The following LZTFL1 variants were observed in gnomAD, a reference collection of about 807,000 sequenced individuals.
The protein encoded by LZTFL1 is leucine zipper transcription factor like 1, also known as leucine zipper transcription factor-like protein 1.
A neutral mutation model predicts 45.9 loss-of-function variants in LZTFL1; 25 were observed. The observed-to-expected ratio is 0.54, with a 90% CI of 0.40 to 0.76. The LOEUF (loss-of-function observed/expected upper bound fraction) is 0.76. LZTFL1 is among the 30% of genes least tolerant of loss of function. LZTFL1 has a pLI of 0.00. For synonymous variants in LZTFL1, 93 were observed against 117.4 expected (o/e 0.79, Z 1.35); for missense variants, 277 against 331.1 (o/e 0.84, Z 1.27).
At chr3:45,880,423 A>G (rs1701834849) in intron 2 of LZTFL1, among the ~76,000 whole-genome samples, 1 of 151,958 alleles carries the variant, frequency 6.6e-6, no homozygotes, top group Admixed American at 6.6e-5. Context: ...AATCACTTGA[A>G]CCCAGGAGGT....
rs149273342 is a variant in LZTFL1, at chr3:45,852,463, A to G, written c.-49+2523T>C. Among the ~76,000 whole-genome samples the G allele has an allele frequency of 9.0e-4, 137 of 152,342 alleles. 1 individual carries two copies. The highest frequency in any genetic ancestry group is 1.6e-3 in the Non-Finnish European group (106 of 68,034). On this transcript the variant is annotated intron_variant, in intron 4 of 4. Transcript: ENST00000472635. ...GACTGACTAAATGAATTATGGAGCA[A>G]TAAAAGAGTAGTTTTCTGTAGCCGT...
intron 2 of LZTFL1, chr3:45,897,449 C>A: frequency 1.4e-6 from 1 of 730,368 alleles, no homozygotes; most frequent in Non-Finnish European, 2.4e-6. Flanking sequence ...ATGTCCTTGT[C>A]TGGGATTCAG....
At chr3:45,894,718 A>C (rs943950361) in intron 2 of LZTFL1, among the ~76,000 whole-genome samples, 1 of 152,220 alleles carries the variant, frequency 6.6e-6, no homozygotes, top group Non-Finnish European at 1.5e-5. Context: ...GGAGAGGTTC[A>C]TTCATTTCTG....
chr3:45,902,878 C>T (rs200562705), intron 2 of LZTFL1: 3 of 167,026 alleles, frequency 1.8e-5, no homozygotes, highest in African/African-American at 2.4e-5. Context: ...AGGGGTGAAG[C>T]GCAGGCCTTG....
chr3:45,901,656 G>C lies in LZTFL1; in HGVS notation c.-215+11464C>G, dbSNP rs1481791747. On this transcript the variant is annotated intron_variant, in intron 2 of 4. Coordinates refer to the LZTFL1 transcript ENST00000472635. The surrounding 1 kb of genome is among the most constrained non-coding windows in gnomAD (Gnocchi z 4.3). ...CTATGCCATGTTCATCTCCAACTGT[G>C]CCGTTTCCACCAACATTGACATCTG... 2 of 1,614,016 alleles carry C rather than the reference G, an allele frequency of 1.2e-6. No homozygotes were observed. Among genetic ancestry groups the C allele is most frequent in the Non-Finnish European group, 1.7e-6 (2 of 1,179,858 alleles).
At position 45,884,907 on chromosome 3, in the gene LZTFL1, T is replaced by C. The variant is rs1002469175; in HGVS notation, c.-214-25891A>G. 8.5e-5 allele frequency among the ~76,000 whole-genome samples: 13 copies of C among 152,242 alleles called. 1 individual carries two copies. Among genetic ancestry groups the C allele is most frequent in the African/African-American group, 3.1e-4 (13 of 41,466 alleles). On this transcript the variant is annotated intron_variant, in intron 2 of 4. Transcript: ENST00000472635. ...GGAGTGAGATGCCAGAGCATCTGGC[T>C]GGTTCTCAGCTATGTATAGTTTCAG...
intron 4 of LZTFL1, among the ~76,000 whole-genome samples, chr3:45,849,299 C>T (rs1701271584): frequency 1.3e-5 from 2 of 152,138 alleles, no homozygotes; most frequent in African/African-American, 4.8e-5. Flanking sequence ...GCAGAAAGGA[C>T]AGAGGGAACA....
intron 8 of LZTFL1, among the ~76,000 whole-genome samples, chr3:45,827,809 TTTTAA>T (rs1700707401): frequency 6.6e-6 from 1 of 152,184 alleles, no homozygotes; most frequent in Non-Finnish European, 1.5e-5. Flanking sequence ...GCAAAATGAT[TTTTAA>T]TTTAGTTAAA....
intron 1 of LZTFL1, among the ~76,000 whole-genome samples, chr3:45,841,473 T>C (rs1187231179): frequency 1.3e-5 from 2 of 152,138 alleles, no homozygotes; most frequent in Non-Finnish European, 2.9e-5. Context: ...CATCAGAAAG[T>C]TGGATTTCAA....
In LZTFL1 at chr3:45,884,711, T is replaced by TA. The variant is rs543110554; in HGVS notation, c.-214-25696_-214-25695insT. Among the ~76,000 whole-genome samples the TA allele has an allele frequency of 3.2e-4, 49 of 152,286 alleles. 1 individual carries two copies. The South Asian group carries it at 1.0e-2, about 31-fold the overall frequency. On this transcript the variant is annotated intron_variant, in intron 2 of 4. Coordinates refer to the LZTFL1 transcript ENST00000472635. ...AAGAGAAGGGAGAAGCACAGGCTTTTCCTCACCCATGGCAATTGCAATAGT... is the reference window on the plus strand; with the variant it reads ...AAGAGAAGGGAGAAGCACAGGCTTTTACCTCACCCATGGCAATTGCAATAGT...
chr3:45,839,160 C>G (rs1701040984), intron 1 of LZTFL1, among the ~76,000 whole-genome samples: 1 of 152,196 alleles, frequency 6.6e-6, no homozygotes. Context: ...GCAATCTCGG[C>G]TCACTGCAAG....
intron 2 of LZTFL1, among the ~76,000 whole-genome samples, chr3:45,879,676 G>C (rs1701816907): frequency 6.6e-6 from 1 of 152,178 alleles, no homozygotes. Flanking sequence ...ATGTATGAGT[G>C]TAGATGAACT....
chr3:45,906,184 G>T (rs1282311934), intron 2 of LZTFL1, among the ~76,000 whole-genome samples: 1 of 152,134 alleles, frequency 6.6e-6, no homozygotes, highest in African/African-American at 2.4e-5. Flanking sequence ...GTGGTTGGGC[G>T]CCAGTCACAG....
rs189451618 is a variant in LZTFL1, at chr3:45,839,709, A to C, written c.4-1658T>G. Among the ~76,000 whole-genome samples, 273 of 152,344 alleles carry C rather than the reference A, an allele frequency of 1.8e-3. 1 individual carries two copies. The highest frequency in any genetic ancestry group is 6.1e-3 in the African/African-American group (254 of 41,584). ...TTGTAGCACTGCTGATTTCCATGGCATAAATACTTCCATCATGGCTGATTT... is the reference window on the plus strand; with the variant it reads ...TTGTAGCACTGCTGATTTCCATGGCCTAAATACTTCCATCATGGCTGATTT... On this transcript the variant is annotated intron_variant, in intron 1 of 9. Transcript: ENST00000296135.
intron 4 of LZTFL1, among the ~76,000 whole-genome samples, chr3:45,854,177 T>TC (rs1701350478): frequency 6.6e-6 from 1 of 152,240 alleles, no homozygotes; most frequent in Admixed American, 6.5e-5. Context: ...TTGAAAATTC[T>TC]CCTCAGCTGC....
At chr3:45,858,771 G>T (rs2125707415) in intron 3 of LZTFL1, among the ~76,000 whole-genome samples, 1 of 152,290 alleles carries the variant, frequency 6.6e-6, no homozygotes, top group South Asian at 2.1e-4. Context: ...ATTAAAAAGA[G>T]CAAAGAGTTT....
Position 45,911,798 on chromosome 3 carries a change from G to A in LZTFL1, c.-215+1322C>T, listed in dbSNP as rs767666536. Among the ~76,000 whole-genome samples the A allele has an allele frequency of 2.6e-5, 4 of 152,224 alleles. No individual in the cohort carries two copies. In the South Asian group the frequency reaches 8.3e-4, roughly 32 times the overall value. ...TGAATGCAGAAAGACATCAACAACT[G>A]TGTAATGACTCCAGCATATAGGAAT... On this transcript the variant is annotated intron_variant, in intron 2 of 4. Transcript: ENST00000472635.
chr3:45,834,219 A>AGAAT lies in LZTFL1; in HGVS notation c.384+15_384+18dup, dbSNP rs764472896. On this transcript the variant is annotated intron_variant, in intron 4 of 9. Transcript: ENST00000296135. The stretch of plus-strand genomic sequence containing the variant: ...ATACTGGCTATTAAGATATGGATTT[A>AGAAT]GAATGACCAAAAAGTTACCTTTTTG... 11 of 1,519,472 alleles carry AGAAT rather than the reference A, an allele frequency of 7.2e-6. No homozygotes were observed. Among genetic ancestry groups the AGAAT allele is most frequent in the Non-Finnish European group, 2.7e-6 (3 of 1,099,932 alleles). The allele number at this position is 1,519,472 out of a possible 1,614,324, so 94.1% of individuals were successfully genotyped here. A position where few individuals can be genotyped will look rare whatever the true frequency, so the allele number is the denominator to read the frequency against.
At chr3:45,841,175 C>A (rs1701101314) in intron 1 of LZTFL1, among the ~76,000 whole-genome samples, 1 of 152,308 alleles carries the variant, frequency 6.6e-6, no homozygotes, top group East Asian at 1.9e-4. Context: ...TCACAGGTGT[C>A]TTCTCAGCTC....
Sources: allele counts gnomAD v4.1 joint callset (sites outside exome capture counted in the v4.1 genomes callset), GRCh38; gene constraint gnomAD v4.1.1; non-coding constraint Gnocchi (gnomAD v3.1); transcripts MANE v1.5; gene names NCBI Gene and HGNC (gene_info 2026-07-23, HGNC 2026-07-21).